TKTL2: variants seen among roughly 807,000 people sequenced by gnomAD.
TKTL2 encodes transketolase like 2, also known as transketolase-like protein 2.
For synonymous variants in TKTL2, 259 were observed against 294.1 expected (o/e 0.88, Z 1.22); for missense variants, 825 against 799.4 (o/e 1.03, Z -0.39).
At position 163,472,439 on chromosome 4, in the gene TKTL2, C is replaced by A; in HGVS notation, c.1296G>T (p.Gln432His). Residue 432 changes from glutamine to histidine, a missense_variant, in exon 1 of 1, where the codon CAG becomes CAT. Coordinates refer to ENST00000280605, the MANE Select transcript of TKTL2 (RefSeq NM_032136.5). ...ACATGGCTAGATCCTCCAGGGCCATCTGGGAGACTCCATCTTCTCCAGTGG... is the reference window on the plus strand; with the variant it reads ...ACATGGCTAGATCCTCCAGGGCCATATGGGAGACTCCATCTTCTCCAGTGG... Reference protein sequence around the residue: ...GVSTGEDGVSQMALEDLAMFR... With the variant: ...GVSTGEDGVSHMALEDLAMFR... 1 of 1,614,066 alleles carries A rather than the reference C, an allele frequency of 6.2e-7. No homozygotes were observed. The highest frequency in any genetic ancestry group is 8.5e-7 in the Non-Finnish European group (1 of 1,179,970).
Position 163,472,736 on chromosome 4 carries a change from GC to G in TKTL2, c.998del (p.Gly333AlafsTer10), listed in dbSNP as rs922280408. 1.9e-6 allele frequency: 3 copies of G among 1,602,182 alleles called. No individual in the cohort carries two copies. Among genetic ancestry groups the G allele is most frequent in the East Asian group, 4.5e-5 (2 of 44,806 alleles). ...KTYGLALAKLGRANERVIVLS... is the reference protein window; with the variant it reads ...KTYGLALAKLXRANERVIVLS... ...GAACAATAACTCTTTCATTTGCACG[GC>G]CCAGTTTAGCCAGAGCCAAACCATA... On this transcript the variant is annotated frameshift_variant, in exon 1 of 1. Transcript: ENST00000280605. LOFTEE classifies it low-confidence loss of function (END_TRUNC).
rs1737181852 is a variant in TKTL2, at chr4:163,472,341, G to T, written c.1394C>A (p.Ala465Asp). The T allele has an allele frequency of 4.4e-6, 7 of 1,599,850 alleles. No homozygotes were observed. The highest frequency in any genetic ancestry group is 6.0e-6 in the Non-Finnish European group (7 of 1,173,264). Residue 465 changes from alanine (A) to aspartate (D), a missense_variant, in exon 1 of 1, where the codon GCC (alanine) becomes GAC (aspartate). Physicochemically the swap from Ala to Asp is moderately radical, Grantham distance 126. Transcript: ENST00000280605. ...GAAGCACATTCCCTTGGTATTGGCG[G>T]CTAGATAAATAGCATGCTCTGTCGA... ...AISTEHAIYLAANTKGMCFIR... is the reference protein window; with the variant it reads ...AISTEHAIYLDANTKGMCFIR...
rs753477392 is a variant in TKTL2, at chr4:163,472,388, A to C, written c.1347T>G (p.Val449=). The C allele has an allele frequency of 3.1e-6, 5 of 1,606,448 alleles. No individual in the cohort carries two copies. The East Asian group carries it at 1.1e-4, about 36-fold the overall frequency. Residue 449 remains valine, a synonymous_variant, in exon 1 of 1, where the codon GTT becomes GTG. Transcript: ENST00000280605. ...TCGAGATGGCATCACTTGGATAGAA[A>C]ACAGTACAATTGGGAATGCTTCGGA... ...AMFRSIPNCT[V]FYPSDAISTE...
chr4:163,473,524 G>C lies in TKTL2; in HGVS notation c.211C>G (p.Arg71Gly), dbSNP rs1248714691. ...GCATGTCCCCTGGAGAGGATGAACC[G>C]GTCGTTGTCCGGGTGTTCTGGGTCT... ...QTDPEHPDND[R>G]FILSRGHAAP... is the part of the protein sequence containing the mutation. Residue 71 changes from arginine to glycine, a missense_variant, in exon 1 of 1, where the codon CGG becomes GGG. Arg to Gly is a moderately radical substitution (Grantham distance 125). Coordinates refer to ENST00000280605, the MANE Select transcript of TKTL2 (RefSeq NM_032136.5). 1.1e-5 allele frequency: 18 copies of C among 1,613,950 alleles called. No homozygotes were observed. The highest frequency in any genetic ancestry group is 1.5e-5 in the Non-Finnish European group (18 of 1,179,970).
rs1737168596 is a variant in TKTL2, at chr4:163,471,757, A to G, written c.*97T>C. 2.0e-6 allele frequency: 2 copies of G among 996,032 alleles called. No homozygotes were observed. Among genetic ancestry groups the G allele is most frequent in the South Asian group, 2.0e-5 (1 of 48,976 alleles). 61.7% of individuals were successfully genotyped at this position (996,032 alleles called of 1,614,324 possible). A position where few individuals can be genotyped will look rare whatever the true frequency, so the allele number is the denominator to read the frequency against. On this transcript the variant is annotated 3_prime_UTR_variant, in exon 1 of 1. Coordinates refer to ENST00000280605, the MANE Select transcript of TKTL2 (RefSeq NM_032136.5). ...AAACAGTACAACTGTATAGGTATAA[A>G]TAATGGTTTTGTGACAATAAACATG...
Position 163,473,247 on chromosome 4 carries a change from G to C in TKTL2, c.488C>G (p.Ser163Cys), listed in dbSNP as rs757628868. The part of the protein sequence containing the change: ...LMGDGESSEG[S>C]VWEAFAFASH... ...GGCAAAAGCAAAAGCCTCCCACACA[G>C]AGCCTTCTGAGGATTCGCCATCTCC... is the stretch of plus-strand genomic sequence containing the variant. Residue 163 changes from serine (S) to cysteine (C), a missense_variant, in exon 1 of 1, where the codon TCT becomes TGT. Coordinates refer to ENST00000280605, the MANE Select transcript of TKTL2 (RefSeq NM_032136.5). 3 of 1,613,606 alleles carry C rather than the reference G, an allele frequency of 1.9e-6. No individual in the cohort carries two copies. Among genetic ancestry groups the C allele is most frequent in the Non-Finnish European group, 2.5e-6 (3 of 1,179,996 alleles).
At position 163,471,198 on chromosome 4, in the gene TKTL2, C is replaced by A. The variant is rs1304915514; in HGVS notation, c.*656G>T. The A allele has an allele frequency of 6.6e-6, 1 of 152,188 alleles. No individual in the cohort carries two copies. Among genetic ancestry groups the A allele is most frequent in the Non-Finnish European group, 1.5e-5 (1 of 68,030 alleles). 9.4% of individuals were successfully genotyped at this position (152,188 alleles called of 1,614,324 possible). On this transcript the variant is annotated 3_prime_UTR_variant, in exon 1 of 1. Transcript: ENST00000280605. ...GCCACAAGGAAAAGAAAAAACATTT[C>A]TGAAGCTTCACAAAACTATGTGTGT...
In TKTL2 at chr4:163,473,137, C is replaced by T. The variant is rs372750871; in HGVS notation, c.598G>A (p.Ala200Thr). The change falls in exon 1 of 1, where the codon GCA becomes ACA. Residue 200 changes from alanine (A) to threonine (T), a missense_variant. Transcript: ENST00000280605. ...TCACAGCAATTCTGGTAGATGTCTG[C>T]GCCATGCTCAAGGGGTGCAGGGCCA... is the stretch of plus-strand genomic sequence containing the variant. Reference protein sequence around the residue: ...QSGPAPLEHGADIYQNCCEAF... With the variant: ...QSGPAPLEHGTDIYQNCCEAF... The T allele has an allele frequency of 2.7e-5, 43 of 1,613,858 alleles. No homozygotes were observed. The East Asian group carries it at 2.9e-4, about 11-fold the overall frequency.
At position 163,471,185 on chromosome 4, in the gene TKTL2, A is replaced by C. The variant is rs923967528; in HGVS notation, c.*669T>G. 1.3e-5 allele frequency: 2 copies of C among 152,260 alleles called. No individual in the cohort carries two copies. The highest frequency in any genetic ancestry group is 6.5e-5 in the Admixed American group (1 of 15,284). The allele number at this position is 152,260 out of a possible 1,614,324, so 9.4% of individuals were successfully genotyped here. On this transcript the variant is annotated 3_prime_UTR_variant, in exon 1 of 1. Transcript: ENST00000280605. ...ACAAACTGGTTTGGCCACAAGGAAA[A>C]GAAAAAACATTTCTGAAGCTTCACA...
Position 163,472,599 on chromosome 4 carries a change from C to A in TKTL2, c.1136G>T (p.Gly379Val). The change falls in exon 1 of 1, where the codon GGC becomes GTC. Residue 379 changes from glycine (G) to valine (V), a missense_variant. Physicochemically the swap from Gly to Val is moderately radical, Grantham distance 109. Coordinates refer to ENST00000280605, the MANE Select transcript of TKTL2 (RefSeq NM_032136.5). ...AATGGTTCGACCACGTGTAGCACAG[C>A]CTAGTGCCACACTTACCATGTTTTG... ...AEQNMVSVAL[G>V]CATRGRTIAF... 6.2e-7 allele frequency: 1 copy of A among 1,614,226 alleles called. No homozygotes were observed. Among genetic ancestry groups the A allele is most frequent in the Non-Finnish European group, 8.5e-7 (1 of 1,180,046 alleles).
rs1361260714 is a variant in TKTL2, at chr4:163,472,636, T to C, written c.1099A>G (p.Ile367Val). Residue 367 changes from isoleucine to valine, a missense_variant, in exon 1 of 1, where the codon ATT becomes GTT. Ile to Val is a conservative substitution (Grantham distance 29). Coordinates refer to ENST00000280605, the MANE Select transcript of TKTL2 (RefSeq NM_032136.5). ...CTTACCATGTTTTGTTCAGCAATAA[T>C]ACACTCTATGAAACGCTCAGGGTGT... ...KEHPERFIECIIAEQNMVSVA... is the reference protein window; with the variant it reads ...KEHPERFIECVIAEQNMVSVA... 4.3e-6 allele frequency: 7 copies of C among 1,614,194 alleles called. No homozygotes were observed. Among genetic ancestry groups the C allele is most frequent in the Non-Finnish European group, 5.9e-6 (7 of 1,180,034 alleles).
In TKTL2 at chr4:163,471,558, T is replaced by C. The variant is rs1282149096; in HGVS notation, c.*296A>G. 1 of 204,422 alleles carries C rather than the reference T, an allele frequency of 4.9e-6. No homozygotes were observed. Among genetic ancestry groups the C allele is most frequent in the African/African-American group, 2.3e-5 (1 of 43,628 alleles). The allele number at this position is 204,422 out of a possible 1,614,324, so 12.7% of individuals were successfully genotyped here. On this transcript the variant is annotated 3_prime_UTR_variant, in exon 1 of 1. Coordinates refer to ENST00000280605, the MANE Select transcript of TKTL2 (RefSeq NM_032136.5). ...CCCCAGCTCAGTCAGATATTTGTAGTCTTATCAGAAATATTTGTATTAGGT... is the reference window on the plus strand; with the variant it reads ...CCCCAGCTCAGTCAGATATTTGTAGCCTTATCAGAAATATTTGTATTAGGT...
Position 163,473,035 on chromosome 4 carries a change from G to A in TKTL2, c.700C>T (p.Gln234Ter). 1 of 1,614,136 alleles carries A rather than the reference G, an allele frequency of 6.2e-7. No homozygotes were observed. Among genetic ancestry groups the A allele is most frequent in the South Asian group, 1.1e-5 (1 of 91,082 alleles). ...ALCQAFWQAS[Q>*]VKNKPTAIVA... ...ATAGCAGTAGGCTTGTTCTTCACTTGACTTGCTTGCCAAAATGCTTGGCAC... is the reference window on the plus strand; with the variant it reads ...ATAGCAGTAGGCTTGTTCTTCACTTAACTTGCTTGCCAAAATGCTTGGCAC... The change falls in exon 1 of 1, where the codon CAA becomes TAA. Residue 234 changes from glutamine to a stop codon, truncating the protein, a stop_gained. Coordinates refer to ENST00000280605, the MANE Select transcript of TKTL2 (RefSeq NM_032136.5). LOFTEE classifies it low-confidence loss of function (END_TRUNC).
Position 163,472,737 on chromosome 4 carries a change from C to G in TKTL2, c.998G>C (p.Gly333Ala). Residue 333 changes from glycine to alanine, a missense_variant, in exon 1 of 1, where the codon GGC (glycine) becomes GCC (alanine). Gly to Ala is a moderately conservative substitution (Grantham distance 60). Coordinates refer to ENST00000280605, the MANE Select transcript of TKTL2 (RefSeq NM_032136.5). ...AACAATAACTCTTTCATTTGCACGG[C>G]CCAGTTTAGCCAGAGCCAAACCATA... ...KTYGLALAKL[G>A]RANERVIVLS... 1 of 1,602,466 alleles carries G rather than the reference C, an allele frequency of 6.2e-7. No homozygotes were observed. Among genetic ancestry groups the G allele is most frequent in the Non-Finnish European group, 8.5e-7 (1 of 1,173,876 alleles).
chr4:163,472,763 T>A lies in TKTL2; in HGVS notation c.972A>T (p.Thr324=). ...CCAGTTTAGCCAGAGCCAAACCATA[T>A]GTTTTCTGAGTAGCTATCTTGTCAC... ...KVGDKIATQK[T]YGLALAKLGR... The change falls in exon 1 of 1, where the codon ACA becomes ACT. Residue 324 remains threonine (T), a synonymous_variant. Transcript: ENST00000280605. 1 of 1,584,384 alleles carries A rather than the reference T, an allele frequency of 6.3e-7. No individual in the cohort carries two copies. Among genetic ancestry groups the A allele is most frequent in the South Asian group, 1.2e-5 (1 of 84,894 alleles).
rs1176159321 is a variant in TKTL2, at chr4:163,472,698, G to GT, written c.1036dup (p.Thr346AsnfsTer8). 1 of 1,613,902 alleles carries GT rather than the reference G, an allele frequency of 6.2e-7. No individual in the cohort carries two copies. The highest frequency in any genetic ancestry group is 8.5e-7 in the Non-Finnish European group (1 of 1,179,874). On this transcript the variant is annotated frameshift_variant, in exon 1 of 1. Transcript: ENST00000280605. LOFTEE classifies it low-confidence loss of function (END_TRUNC). ...TATCTCAGAAAAGGTGGAGTTCATC[G>GT]TGTCACCACTCAGAACAATAACTCT...
chr4:163,471,661 T>C lies in TKTL2; in HGVS notation c.*193A>G, dbSNP rs1036603190. Reference sequence around the variant, plus strand: ...ACTCAGAGTAACATTTATACATAGATTAACAGAAAGGTAAACTTTAATTTC... The same window carrying C: ...ACTCAGAGTAACATTTATACATAGACTAACAGAAAGGTAAACTTTAATTTC... On this transcript the variant is annotated 3_prime_UTR_variant, in exon 1 of 1. Transcript: ENST00000280605. The C allele has an allele frequency of 7.1e-6, 3 of 424,658 alleles. No homozygotes were observed. Among genetic ancestry groups the C allele is most frequent in the Non-Finnish European group, 1.2e-5 (3 of 245,962 alleles). 26.3% of individuals were successfully genotyped at this position (424,658 alleles called of 1,614,324 possible). A position where few individuals can be genotyped will look rare whatever the true frequency, so the allele number is the denominator to read the frequency against.
Position 163,473,492 on chromosome 4 carries a change from A to T in TKTL2, c.243T>A (p.Pro81=). ...RFILSRGHAA[P]ILYAAWVEVG... is the part of the protein sequence containing the mutation. Reference sequence around the variant, plus strand: ...CCTCCACCCAAGCAGCATAGAGGATAGGAGCAGCATGTCCCCTGGAGAGGA... The same window carrying T: ...CCTCCACCCAAGCAGCATAGAGGATTGGAGCAGCATGTCCCCTGGAGAGGA... The change falls in exon 1 of 1, where the codon CCT becomes CCA. Residue 81 remains proline, a synonymous_variant. Transcript: ENST00000280605. 1.9e-6 allele frequency: 3 copies of T among 1,614,058 alleles called. No homozygotes were observed. The highest frequency in any genetic ancestry group is 2.5e-6 in the Non-Finnish European group (3 of 1,180,022).
chr4:163,472,108 G>T lies in TKTL2; in HGVS notation c.1627C>A (p.Pro543Thr). 6.2e-7 allele frequency: 1 copy of T among 1,614,154 alleles called. No individual in the cohort carries two copies. The highest frequency in any genetic ancestry group is 8.5e-7 in the Non-Finnish European group (1 of 1,180,036). ...GAGATGATGGTGGCGGCATCCAGGG[G>T]TTTAATGGTAAATGGGTCGATGACA... is the stretch of plus-strand genomic sequence containing the variant. The part of the protein sequence containing the change: ...VRVIDPFTIK[P>T]LDAATIISSA... Residue 543 changes from proline to threonine, a missense_variant, in exon 1 of 1, where the codon CCC (proline) becomes ACC (threonine). Pro to Thr is a conservative substitution (Grantham distance 38). Coordinates refer to ENST00000280605, the MANE Select transcript of TKTL2 (RefSeq NM_032136.5).
Sources: allele counts gnomAD v4.1 joint callset, GRCh38; gene constraint gnomAD v4.1.1; transcripts MANE v1.5; gene names NCBI Gene and HGNC (gene_info 2026-07-23, HGNC 2026-07-21).